CBLB: variants seen among roughly 807,000 people sequenced by gnomAD.
CBLB encodes Cbl proto-oncogene B, also known as E3 ubiquitin-protein ligase CBL-B.
Under a neutral mutation model 104.9 loss-of-function variants are expected in CBLB, and 31 were observed. The observed-to-expected ratio is 0.30, with a 90% CI of 0.22 to 0.40. The LOEUF is 0.40. Ranked by LOEUF, CBLB falls within the 10% of genes least tolerant of loss-of-function variation. The probability of loss-of-function intolerance (pLI) is 1.00; values close to 1 mark genes in which losing one functional copy is unlikely to be tolerated. For missense variants in CBLB, 1,062 were observed against 1,214.6 expected, an observed-to-expected ratio of 0.87 and a Z score of 1.87; for synonymous variants, 440 against 422.6, an observed-to-expected ratio of 1.04 and a Z score of -0.51.
At chr3:105,827,492 A>ATGTGTG (rs72336872) in intron 3 of CBLB, among the ~76,000 whole-genome samples, 1 of 150,722 alleles carries the variant, frequency 6.6e-6, no homozygotes, top group African/African-American at 2.4e-5. Flanking sequence ...ACCAGTGTGT[A>ATGTGTG]TGTGTGTGTG....
intron 4 of CBLB, among the ~76,000 whole-genome samples, chr3:105,768,464 C>G (rs1274124961): frequency 1.3e-5 from 2 of 152,158 alleles, no homozygotes; most frequent in South Asian, 4.1e-4. Flanking sequence ...AAGTTGCATC[C>G]TATACTCATA....
intron 4 of CBLB, among the ~76,000 whole-genome samples, chr3:105,765,209 G>C (rs1237218073): frequency 6.6e-6 from 1 of 152,130 alleles, no homozygotes; most frequent in Non-Finnish European, 1.5e-5. Context: ...AAATGCTAGG[G>C]CTAGGGAGAA....
At chr3:105,696,789 A>G (rs758814149) in intron 12 of CBLB, among the ~76,000 whole-genome samples, 2 of 151,910 alleles carry the variant, frequency 1.3e-5, no homozygotes, top group Non-Finnish European at 2.9e-5. Flanking sequence ...AAGACACTTC[A>G]TAATTGGTTT....
intron 13 of CBLB, among the ~76,000 whole-genome samples, chr3:105,689,539 T>G (rs971182204): frequency 6.6e-6 from 1 of 151,198 alleles, no homozygotes; most frequent in African/African-American, 2.4e-5. Flanking sequence ...TCCTCAGCAT[T>G]TCAGAACATT....
intron 9 of CBLB, among the ~76,000 whole-genome samples, chr3:105,725,423 T>C (rs1259483986): frequency 6.6e-6 from 1 of 152,160 alleles, no homozygotes; most frequent in Non-Finnish European, 1.5e-5. Flanking sequence ...CAACTGAAAA[T>C]GTTTCCAAAG....
chr3:105,695,403 A>T (rs1353545043), intron 12 of CBLB, among the ~76,000 whole-genome samples: 1 of 151,836 alleles, frequency 6.6e-6, no homozygotes, highest in Non-Finnish European at 1.5e-5. Flanking sequence ...TTCATCTTGC[A>T]CATTAGGTAA....
Position 105,746,631 on chromosome 3 carries a change from T to C in CBLB, c.724-593A>G, listed in dbSNP as rs542141070. 9.5e-4 allele frequency among the ~76,000 whole-genome samples: 144 copies of C among 152,350 alleles called. 1 individual carries two copies. The highest frequency in any genetic ancestry group is 3.4e-3 in the African/African-American group (143 of 41,580). On this transcript the variant is annotated intron_variant, in intron 5 of 18. Coordinates refer to ENST00000394030, the MANE Select transcript of CBLB (RefSeq NM_170662.5). ...CTGTCTCCAAATGTCACTTCCTCAA[T>C]GAAGCCTTCTCTGACCAGTGTATTT...
intron 3 of CBLB, among the ~76,000 whole-genome samples, chr3:105,782,476 C>T (rs1324948039): frequency 2.0e-5 from 3 of 152,146 alleles, no homozygotes; most frequent in Non-Finnish European, 4.4e-5. Flanking sequence ...TGTTAAACAC[C>T]TCATCCACCA....
Position 105,658,725 on chromosome 3 carries a change from T to A in CBLB, c.*245A>T. 1.8e-6 allele frequency: 1 copy of A among 547,594 alleles called. No individual in the cohort carries two copies. Among genetic ancestry groups the A allele is most frequent in the East Asian group, 2.9e-5 (1 of 34,186 alleles). The allele number at this position is 547,594 out of a possible 1,614,324, so 33.9% of individuals were successfully genotyped here. Reference sequence around the variant, plus strand: ...TCAAAGTTCAAGGGAAGTAAACGTCTTTAAATTATTTTTGTCAGTTCAACC... The same window carrying A: ...TCAAAGTTCAAGGGAAGTAAACGTCATTAAATTATTTTTGTCAGTTCAACC... On this transcript the variant is annotated 3_prime_UTR_variant, in exon 19 of 19. Coordinates refer to ENST00000394030, the MANE Select transcript of CBLB (RefSeq NM_170662.5).
chr3:105,775,573 T>C (rs2079362924), intron 4 of CBLB, among the ~76,000 whole-genome samples: 2 of 152,204 alleles, frequency 1.3e-5, no homozygotes, highest in South Asian at 4.1e-4. Flanking sequence ...TTTGCCTACA[T>C]TCTAGGACAT....
Position 105,655,965 on chromosome 3 carries a change from G to T in CBLB, c.*3005C>A, listed in dbSNP as rs9657916. ...GAGTTAAGAAATGGGACCCTTTTAA[G>T]TTGCAGTGAGGGTTCTATTATGAAG... On this transcript the variant is annotated 3_prime_UTR_variant, in exon 19 of 19. Coordinates refer to ENST00000394030, the MANE Select transcript of CBLB (RefSeq NM_170662.5). The T allele has an allele frequency of 0.11, 25,651 of 227,942 alleles. 1,639 individuals carry two copies. Among genetic ancestry groups the T allele is most frequent in the African/African-American group, 0.17 (7,522 of 45,088 alleles). The allele number at this position is 227,942 out of a possible 1,614,324, so 14.1% of individuals were successfully genotyped here.
chr3:105,782,341 C>G (rs1363304913), intron 3 of CBLB, among the ~76,000 whole-genome samples: 1 of 152,192 alleles, frequency 6.6e-6, no homozygotes, highest in African/African-American at 2.4e-5. Flanking sequence ...ACAGGCAGGA[C>G]AATTTTTCAA....
rs754408830 is a variant in CBLB at position 105,656,707 on chromosome 3, A to T, written c.*2263T>A. Reference sequence around the variant, plus strand: ...CTGGAAATTTTCAAATATTGTTTATAAACTGAATGAGAATGTGCTATGTTC... The same window carrying T: ...CTGGAAATTTTCAAATATTGTTTATTAACTGAATGAGAATGTGCTATGTTC... On this transcript the variant is annotated 3_prime_UTR_variant, in exon 19 of 19. Transcript: ENST00000394030. 1.6e-5 allele frequency: 3 copies of T among 182,302 alleles called. No homozygotes were observed. Among genetic ancestry groups the T allele is most frequent in the Admixed American group, 1.3e-4 (2 of 15,092 alleles). The allele number at this position is 182,302 out of a possible 1,614,324, so 11.3% of individuals were successfully genotyped here.
intron 2 of CBLB, among the ~76,000 whole-genome samples, chr3:105,866,331 G>A (rs1055277694): frequency 2.0e-5 from 3 of 152,126 alleles, no homozygotes; most frequent in African/African-American, 7.2e-5. Context: ...TTTACAGACA[G>A]GAGCAAATCA....
chr3:105,681,972 C>T, intron 14 of CBLB, 154 bp from the exon 15 acceptor site: 1 of 608,962 alleles, frequency 1.6e-6, no homozygotes. Flanking sequence ...CATCAAGATA[C>T]TCATCCCTTA....
chr3:105,716,923 AC>A (rs1411223027), intron 10 of CBLB, among the ~76,000 whole-genome samples: 1 of 152,142 alleles, frequency 6.6e-6, no homozygotes, highest in Non-Finnish European at 1.5e-5. Context: ...CAGAAAGCTC[AC>A]CAGTGTGCCA....
intron 9 of CBLB, among the ~76,000 whole-genome samples, chr3:105,726,640 G>T (rs1320222051): frequency 6.6e-6 from 1 of 151,802 alleles, no homozygotes; most frequent in Non-Finnish European, 1.5e-5. Flanking sequence ...TGCCATGGTG[G>T]TTAGCTGCAC....
At position 105,695,103 on chromosome 3, in the gene CBLB, A is replaced by G. The variant is rs1576399774; in HGVS notation, c.1960-1515T>C. ...ATAGACACAATGTAAGATATCTGCA[A>G]TCAAATTTCCTTAATTCATATTACA... is the stretch of plus-strand genomic sequence containing the variant. On this transcript the variant is annotated intron_variant, in intron 12 of 18. Coordinates refer to ENST00000394030, the MANE Select transcript of CBLB (RefSeq NM_170662.5). Among the ~76,000 whole-genome samples the G allele has an allele frequency of 2.0e-5, 3 of 151,874 alleles. No individual in the cohort carries two copies. The East Asian group carries it at 5.8e-4, about 29-fold the overall frequency.
chr3:105,865,240 A>T (rs1273615838), intron 2 of CBLB, among the ~76,000 whole-genome samples: 1 of 152,192 alleles, frequency 6.6e-6, no homozygotes, highest in African/African-American at 2.4e-5. Context: ...TATACTGCCA[A>T]TTAGTAATTA....
Sources: gnomAD v4.1 joint callset for allele counts (sites outside exome capture counted in the v4.1 genomes callset) on GRCh38, gnomAD v4.1.1 for gene constraint, MANE v1.5 for transcripts, NCBI Gene and HGNC (gene_info 2026-07-23, HGNC 2026-07-21) for gene names.